The following GRIK2 variants were observed in gnomAD, a reference collection of about 807,000 sequenced individuals.
The protein encoded by GRIK2 is glutamate ionotropic receptor kainate type subunit 2, also known as glutamate receptor ionotropic, kainate 2.
In GRIK2, 32 loss-of-function variants were observed where a neutral mutation model predicts 100.3. The ratio of observed to expected loss-of-function variants is 0.32; its 90% CI spans 0.24 to 0.43. The LOEUF (loss-of-function observed/expected upper bound fraction) is 0.43, where lower values mean the gene tolerates loss of function less well. Among genes scored for constraint, GRIK2 ranks in the 20% least tolerant of loss-of-function variants. The pLI, the probability that GRIK2 is intolerant of heterozygous loss-of-function variation, is 1.00. For synonymous variants in GRIK2, 417 were observed against 389.4 expected, an observed-to-expected ratio of 1.07 and a Z score of -0.83; for missense variants, 843 against 1,114.9, an observed-to-expected ratio of 0.76 and a Z score of 3.47.
chr6:101,528,983 ATCTTC>A (rs374965778), intron 2 of GRIK2, among the ~76,000 whole-genome samples: 90 of 152,152 alleles, frequency 5.9e-4, no homozygotes, highest in African/African-American at 2.1e-3. Flanking sequence ...GCCTATGAAT[ATCTTC>A]TCTTAAAGGC....
At chr6:101,885,965 A>G (rs1786583227) in intron 11 of GRIK2, among the ~76,000 whole-genome samples, 1 of 152,124 alleles carries the variant, frequency 6.6e-6, no homozygotes, top group Non-Finnish European at 1.5e-5. Context: ...GTGTTGTACA[A>G]TTTTAATGAG....
chr6:101,878,308 A>G (rs1208937551), intron 11 of GRIK2, among the ~76,000 whole-genome samples: 1 of 147,412 alleles, frequency 6.8e-6, no homozygotes, highest in Non-Finnish European at 1.5e-5. Flanking sequence ...TGCATTCTCA[A>G]TGGAATCTAG....
At chr6:101,558,342 C>T (rs184506046) in intron 2 of GRIK2, among the ~76,000 whole-genome samples, 68 of 152,268 alleles carry the variant, frequency 4.5e-4, no homozygotes, top group Admixed American at 4.1e-3. Flanking sequence ...ATACACAAAA[C>T]CAACTACCAT....
Position 101,883,322 on chromosome 6 carries a change from TATA to T in GRIK2, c.1525-6313_1525-6311del, listed in dbSNP as rs1395850435. On this transcript the variant is annotated intron_variant, in intron 11 of 16. Coordinates refer to ENST00000369134, the MANE Select transcript of GRIK2 (RefSeq NM_021956.5). ...ATAATAATAATAATAATAATAATAA[TATA>T]ATAAAGGGGGTCCTGAGGGTAGAAT... is the stretch of plus-strand genomic sequence containing the variant. Among the ~76,000 whole-genome samples, 4 of 144,410 alleles carry T rather than the reference TATA, an allele frequency of 2.8e-5. No homozygotes were observed. In the East Asian group the frequency reaches 8.7e-4, roughly 32 times the overall value. The allele number at this position is 144,410 out of a possible 152,430, so 94.7% of individuals were successfully genotyped here. A position where few individuals can be genotyped will look rare whatever the true frequency, so the allele number is the denominator to read the frequency against.
chr6:101,947,290 T>C (rs896753615), intron 14 of GRIK2, among the ~76,000 whole-genome samples: 5 of 152,278 alleles, frequency 3.3e-5, no homozygotes, highest in Non-Finnish European at 7.4e-5. Flanking sequence ...TTATAGAGTA[T>C]TGAGAATTTT....
intron 14 of GRIK2, among the ~76,000 whole-genome samples, chr6:101,965,221 G>T (rs888716629): frequency 6.6e-6 from 1 of 152,164 alleles, no homozygotes; most frequent in Non-Finnish European, 1.5e-5. Context: ...CTCAGGACAT[G>T]TGCTTAACTG....
At chr6:101,638,816 T>G (rs1380211702) in intron 4 of GRIK2, among the ~76,000 whole-genome samples, 1 of 151,648 alleles carries the variant, frequency 6.6e-6, no homozygotes, top group African/African-American at 2.4e-5. Context: ...AAACCTAGTC[T>G]CTACAGAAAA....
At chr6:101,972,910 T>C (rs913326287) in intron 14 of GRIK2, among the ~76,000 whole-genome samples, 6 of 152,024 alleles carry the variant, frequency 3.9e-5, no homozygotes, top group Non-Finnish European at 5.9e-5. Flanking sequence ...TCTATGTGTC[T>C]ATTTTTGTAT....
At chr6:101,693,836 A>C (rs374864864) in intron 7 of GRIK2, among the ~76,000 whole-genome samples, 1 of 152,218 alleles carries the variant, frequency 6.6e-6, no homozygotes. Flanking sequence ...TGATATGATT[A>C]TATCATATGT....
At chr6:101,695,648 T>C (rs1004885790) in intron 7 of GRIK2, among the ~76,000 whole-genome samples, 1 of 152,104 alleles carries the variant, frequency 6.6e-6, no homozygotes, top group Non-Finnish European at 1.5e-5. Flanking sequence ...ACACTCAGTA[T>C]ATGCAAATGC....
At chr6:101,974,532 C>T (rs916555545) in intron 14 of GRIK2, among the ~76,000 whole-genome samples, 3 of 151,982 alleles carry the variant, frequency 2.0e-5, no homozygotes, top group Admixed American at 1.3e-4. Context: ...ATAGGGACTT[C>T]GGAAAGTCTC....
intron 10 of GRIK2, among the ~76,000 whole-genome samples, chr6:101,834,924 G>T (rs920169445): frequency 6.6e-6 from 1 of 152,102 alleles, no homozygotes; most frequent in Non-Finnish European, 1.5e-5. Context: ...AGTACTACCT[G>T]AGCTTGGGAG....
chr6:102,003,619 G>T (rs985317933), intron 14 of GRIK2, among the ~76,000 whole-genome samples: 2 of 151,616 alleles, frequency 1.3e-5, no homozygotes, highest in Non-Finnish European at 3.0e-5. Context: ...ATTAACAAAA[G>T]CTGTCCTTGC....
intron 14 of GRIK2, among the ~76,000 whole-genome samples, chr6:102,017,029 C>A (rs900264256): frequency 6.6e-6 from 1 of 152,000 alleles, no homozygotes; most frequent in African/African-American, 2.4e-5. Context: ...CTAATCTAAG[C>A]TTCGTAAGCA....
At chr6:101,505,896 C>T (rs1337308314) in intron 2 of GRIK2, among the ~76,000 whole-genome samples, 2 of 151,592 alleles carry the variant, frequency 1.3e-5, no homozygotes. Flanking sequence ...AAGCTAAATA[C>T]ATTAAAAGTC....
intron 2 of GRIK2, among the ~76,000 whole-genome samples, chr6:101,426,314 C>A (rs1776694411): frequency 6.6e-6 from 1 of 152,134 alleles, no homozygotes; most frequent in Non-Finnish European, 1.5e-5. Flanking sequence ...TAGTACTTAA[C>A]CAACATGGTT....
intron 12 of GRIK2, among the ~76,000 whole-genome samples, chr6:101,916,408 A>G (rs1210853318): frequency 6.8e-6 from 1 of 147,906 alleles, no homozygotes; most frequent in East Asian, 2.0e-4. Context: ...AAGGATATAA[A>G]TATGTTAAAA....
chr6:101,505,565 A>G (rs962836953), intron 2 of GRIK2, among the ~76,000 whole-genome samples: 2 of 152,186 alleles, frequency 1.3e-5, no homozygotes, highest in Admixed American at 1.3e-4. Flanking sequence ...CCATAATTGC[A>G]TAGACATTTC....
intron 3 of GRIK2, among the ~76,000 whole-genome samples, chr6:101,624,581 C>T (rs540371748): frequency 6.3e-4 from 96 of 152,188 alleles, no homozygotes; most frequent in Admixed American, 1.1e-3. Context: ...AATTTTCACA[C>T]GGTAGAATAA....
Sources: allele counts gnomAD v4.1 joint callset (sites outside exome capture counted in the v4.1 genomes callset), GRCh38; gene constraint gnomAD v4.1.1; transcripts MANE v1.5; gene names NCBI Gene and HGNC (gene_info 2026-07-23, HGNC 2026-07-21).